CNOT3: variants seen among roughly 807,000 people sequenced by gnomAD.
CNOT3 encodes the protein CCR4-NOT transcription complex subunit 3.
A neutral mutation model predicts 89.4 loss-of-function variants in CNOT3; 2 were observed. The ratio of observed to expected loss-of-function variants is 0.02; its 90% CI spans 0.01 to 0.07. CNOT3 has a LOEUF of 0.07. Ranked by LOEUF, CNOT3 falls within the 10% of genes least tolerant of loss-of-function variation. CNOT3 has a pLI of 1.00. For missense variants in CNOT3, 664 were observed against 1,010.2 expected (o/e 0.66, Z 4.65); for synonymous variants, 486 against 402.0 (o/e 1.21, Z -2.50).
chr19:54,140,017 C>T (rs1191871671), intron 1 of CNOT3, among the ~76,000 whole-genome samples: 2 of 152,100 alleles, frequency 1.3e-5, no homozygotes, highest in Non-Finnish European at 2.9e-5. Flanking sequence ...GGAAGCTCTC[C>T]CAGATCAAAG....
intron 2 of CNOT3, 21 bp from the exon 3 acceptor site, chr19:54,143,098 G>T (rs769747942): frequency 6.2e-7 from 1 of 1,613,678 alleles, no homozygotes; most frequent in South Asian, 1.1e-5. Flanking sequence ...GATTCTCACA[G>T]CCTTGTTCCT....
chr19:54,146,891 C>T (rs587735637), intron 10 of CNOT3, among the ~76,000 whole-genome samples: 25 of 152,310 alleles, frequency 1.6e-4, no homozygotes, highest in African/African-American at 6.0e-4. Context: ...GGAGATGCTG[C>T]TGTGGAGTGC....
In CNOT3 at chr19:54,149,567, C is replaced by T. The variant is rs34757542; in HGVS notation, c.1414C>T (p.Pro472Ser). ...HNPPPSTSKE[P>S]SAAAPTGAGG... ...TCCATGCTCTCTCTCCAGGAAGGAA[C>T]CCAGTGCGGCAGCCCCAACGGGGGC... The change falls in exon 13 of 18, where the codon CCC becomes TCC. Residue 472 changes from proline (P) to serine (S), a missense_variant. By Grantham distance (74) the Pro-to-Ser change is moderately conservative. Coordinates refer to ENST00000221232, the MANE Select transcript of CNOT3 (RefSeq NM_014516.4). 32,236 of 1,585,222 alleles carry T rather than the reference C, an allele frequency of 0.02. 394 individuals carry two copies. The highest frequency in any genetic ancestry group is 0.024 in the Non-Finnish European group (28,414 of 1,164,068).
Position 54,144,361 on chromosome 19 carries a change from G to C in CNOT3, c.483+29G>C, listed in dbSNP as rs757377618. On this transcript the variant is annotated intron_variant, in intron 7 of 17. Transcript: ENST00000221232. This position sits in a 1 kb window ranked among gnomAD's most constrained non-coding sequence, Gnocchi z 4.8. ...AGTGAGGGAGACCCGACACCTTTGG[G>C]ATGGGGATGGGCATGGGAATGGGCT... The C allele has an allele frequency of 1.3e-6, 2 of 1,542,070 alleles. No homozygotes were observed. Among genetic ancestry groups the C allele is most frequent in the South Asian group, 1.1e-5 (1 of 89,388 alleles).
chr19:54,152,276 C>T lies in CNOT3; in HGVS notation c.1656C>T (p.Ile552=). ...AGTCCATGGCGGAACGGGCAGCCAT[C>T]AGCTCTGGCATTGAGGACCCTGTGC... ...SLKSMAERAA[I]SSGIEDPVPT... is the part of the protein sequence containing the mutation. Residue 552 remains isoleucine, a synonymous_variant, in exon 14 of 18, where the codon ATC becomes ATT. Transcript: ENST00000221232. 6.2e-7 allele frequency: 1 copy of T among 1,614,156 alleles called. No homozygotes were observed. Among genetic ancestry groups the T allele is most frequent in the South Asian group, 1.1e-5 (1 of 91,084 alleles).
At chr19:54,150,265 G>A (rs113610851) in intron 13 of CNOT3, among the ~76,000 whole-genome samples, 3 of 151,900 alleles carry the variant, frequency 2.0e-5, no homozygotes, top group African/African-American at 7.3e-5. Flanking sequence ...AGGAAGGTCT[G>A]AGAGGGGGTG....
At chr19:54,150,301 G>A (rs1426347258) in intron 13 of CNOT3, among the ~76,000 whole-genome samples, 1 of 152,182 alleles carries the variant, frequency 6.6e-6, no homozygotes, top group Non-Finnish European at 1.5e-5. Context: ...CCTGGACCAG[G>A]CAGGGGGGCT....
At chr19:54,154,351 G>T in intron 17 of CNOT3, 1 of 265,518 alleles carries the variant, frequency 3.8e-6, no homozygotes, top group Non-Finnish European at 7.7e-6. Context: ...AACCTACCTG[G>T]GTTTCAGCCC....
intron 1 of CNOT3, among the ~76,000 whole-genome samples, chr19:54,140,829 C>T (rs760908170): frequency 1.3e-5 from 2 of 152,174 alleles, no homozygotes; most frequent in Non-Finnish European, 2.9e-5. Flanking sequence ...ACAGTGTGGT[C>T]TCCTGTCTGT....
At chr19:54,138,544 TG>T in intron 1 of CNOT3, among the ~76,000 whole-genome samples, 1 of 149,864 alleles carries the variant, frequency 6.7e-6, no homozygotes, top group South Asian at 2.1e-4. Context: ...CCCAGCTGGG[TG>T]GGGGAGTCAC....
chr19:54,150,441 T>A (rs1287861960), intron 13 of CNOT3, among the ~76,000 whole-genome samples: 1 of 152,172 alleles, frequency 6.6e-6, no homozygotes, highest in Non-Finnish European at 1.5e-5. Context: ...TGCCACCAGC[T>A]GCAGGGCTGA....
Position 54,143,138 on chromosome 19 carries a change from C to G in CNOT3, c.45C>G (p.Leu15=). The G allele has an allele frequency of 6.2e-7, 1 of 1,614,050 alleles. No individual in the cohort carries two copies. ...RKLQGEIDRC[L]KKVSEGVEQF... ...GGCCAGGTGAGATTGATCGCTGCCT[C>G]AAGAAGGTGTCCGAGGGCGTGGAGC... The change falls in exon 3 of 18, where the codon CTC becomes CTG. Residue 15 remains leucine (L), a synonymous_variant. Transcript: ENST00000221232.
In CNOT3 at chr19:54,152,893, C is replaced by A; in HGVS notation, c.1931C>A (p.Pro644Gln). The A allele has an allele frequency of 6.5e-7, 1 of 1,539,358 alleles. No individual in the cohort carries two copies. The highest frequency in any genetic ancestry group is 8.9e-7 in the Non-Finnish European group (1 of 1,129,858). Reference sequence around the variant, plus strand: ...CAGTACCTCCCCCGGAACCCCTGTCCGACGCCCCCCTACCACCACCAGATG... The same window carrying A: ...CAGTACCTCCCCCGGAACCCCTGTCAGACGCCCCCCTACCACCACCAGATG... ...IRQYLPRNPC[P>Q]TPPYHHQMPP... The change falls in exon 16 of 18, where the codon CCG becomes CAG. Residue 644 changes from proline (P) to glutamine (Q), a missense_variant. Physicochemically the swap from Pro to Gln is moderately conservative, Grantham distance 76. Transcript: ENST00000221232.
intron 1 of CNOT3, among the ~76,000 whole-genome samples, chr19:54,139,569 G>A (rs1391812507): frequency 6.6e-6 from 1 of 152,104 alleles, no homozygotes; most frequent in Non-Finnish European, 1.5e-5. Flanking sequence ...TGCCATCCTT[G>A]GTATTGGTAT....
intron 1 of CNOT3, among the ~76,000 whole-genome samples, chr19:54,141,116 G>C (rs2074432457): frequency 6.6e-6 from 1 of 152,152 alleles, no homozygotes; most frequent in Non-Finnish European, 1.5e-5. Context: ...GCACACCTGA[G>C]CTCTGGTGTC....
In CNOT3 at chr19:54,145,471, C is replaced by T. The variant is rs2074626166; in HGVS notation, c.484-127C>T. The T allele has an allele frequency of 5.9e-6, 4 of 676,640 alleles. No individual in the cohort carries two copies. Among genetic ancestry groups the T allele is most frequent in the South Asian group, 1.7e-5 (1 of 57,712 alleles). The allele number at this position is 676,640 out of a possible 1,614,324, so 41.9% of individuals were successfully genotyped here. ...GGGTGGACCCCATACTGCCCCACCC[C>T]GAAGGGGATGGCGTGGAGGCTTTGG... On this transcript the variant is annotated intron_variant, in intron 7 of 17. Transcript: ENST00000221232. The surrounding 1 kb of genome is among the most constrained non-coding windows in gnomAD (Gnocchi z 5.9).
In CNOT3 at chr19:54,148,574, GCTGGGCAGCAGGCAGCAGC is replaced by G; in HGVS notation, c.1282+41_1283-26del. 6.3e-7 allele frequency: 1 copy of G among 1,591,828 alleles called. No individual in the cohort carries two copies. Among genetic ancestry groups the G allele is most frequent in the Non-Finnish European group, 8.6e-7 (1 of 1,167,060 alleles). ...CAGCGGGGTGGGGGGCGTGGGCGGG[GCTGGGCAGCAGGCAGCAGC>G]CCTTTCCATTTACTCTTTGTTCCCA... On this transcript the variant is annotated intron_variant, in intron 11 of 17. Coordinates refer to ENST00000221232, the MANE Select transcript of CNOT3 (RefSeq NM_014516.4). This position sits in a 1 kb window ranked among gnomAD's most constrained non-coding sequence, Gnocchi z 6.3.
Position 54,145,494 on chromosome 19 carries a change from T to TG in CNOT3, c.484-101dup. ...CCCGAAGGGGATGGCGTGGAGGCTT[T>TG]GGGTCTCCACAGGGGTCAGGGACTG... On this transcript the variant is annotated intron_variant, in intron 7 of 17. Coordinates refer to ENST00000221232, the MANE Select transcript of CNOT3 (RefSeq NM_014516.4). The surrounding 1 kb of genome is among the most constrained non-coding windows in gnomAD (Gnocchi z 5.9). The TG allele has an allele frequency of 1.3e-6, 1 of 769,084 alleles. No individual in the cohort carries two copies. The highest frequency in any genetic ancestry group is 2.2e-6 in the Non-Finnish European group (1 of 445,888). The allele number at this position is 769,084 out of a possible 1,614,324, so 47.6% of individuals were successfully genotyped here. A position where few individuals can be genotyped will look rare whatever the true frequency, so the allele number is the denominator to read the frequency against.
intron 13 of CNOT3, 131 bp from the exon 14 acceptor site, chr19:54,152,095 A>G: frequency 4.9e-6 from 4 of 811,500 alleles, no homozygotes; most frequent in South Asian, 4.8e-5. Flanking sequence ...TCATGGGTAG[A>G]TTGTGGGGAG....
Sources: allele counts gnomAD v4.1 joint callset (sites outside exome capture counted in the v4.1 genomes callset), GRCh38; gene constraint gnomAD v4.1.1; non-coding constraint Gnocchi (gnomAD v3.1); transcripts MANE v1.5; gene names NCBI Gene and HGNC (gene_info 2026-07-23, HGNC 2026-07-21).